The following GRM7 variants were observed in gnomAD, a reference collection of about 807,000 sequenced individuals.
The protein encoded by GRM7 is glutamate metabotropic receptor 7.
In GRM7, 35 loss-of-function variants were observed where a neutral mutation model predicts 84.5. The ratio of observed to expected loss-of-function variants is 0.41; its 90% confidence interval spans 0.32 to 0.55. The LOEUF is 0.55. Among genes scored for constraint, GRM7 ranks in the 20% least tolerant of loss-of-function variants. The pLI is 0.19. For synonymous variants in GRM7, 487 were observed against 455.1 expected, an observed-to-expected ratio of 1.07 and a Z score of -0.89; for missense variants, 1,003 against 1,194.6, an observed-to-expected ratio of 0.84 and a Z score of 2.36.
rs183543403 is a variant in GRM7, at chr3:7,710,839, T to A, written c.2699-29518T>A. On this transcript the variant is annotated intron_variant, in intron 9 of 9. Transcript: ENST00000357716. Reference sequence around the variant, plus strand: ...CTTCACCCCATCATGTGAAATAGCATTTATCCCTGCAAATGTACCACTGTC... The same window carrying A: ...CTTCACCCCATCATGTGAAATAGCAATTATCCCTGCAAATGTACCACTGTC... Among the ~76,000 whole-genome samples, 55 of 152,306 alleles carry A rather than the reference T, an allele frequency of 3.6e-4. No homozygotes were observed. The East Asian group carries it at 9.5e-3, about 26-fold the overall frequency.
At chr3:7,215,064 C>A (rs565517160) in intron 2 of GRM7, among the ~76,000 whole-genome samples, 1 of 152,252 alleles carries the variant, frequency 6.6e-6, no homozygotes, top group South Asian at 2.1e-4. Context: ...CTCTACAACA[C>A]TGGGTGAATG....
At chr3:7,727,865 C>A (rs1291630663) in intron 9 of GRM7, among the ~76,000 whole-genome samples, 5 of 152,226 alleles carry the variant, frequency 3.3e-5, no homozygotes, top group African/African-American at 1.2e-4. Context: ...CCAACATACA[C>A]AGTCCTTGGG....
intron 8 of GRM7, among the ~76,000 whole-genome samples, chr3:7,652,346 G>T (rs1335079902): frequency 6.6e-6 from 1 of 152,180 alleles, no homozygotes; most frequent in African/African-American, 2.4e-5. Context: ...AAGGGATAGG[G>T]AAAGTTCTCA....
chr3:7,162,728 CATTTTTTTTTT>C (rs1694665289), intron 2 of GRM7, among the ~76,000 whole-genome samples: 1 of 57,100 alleles, frequency 1.8e-5, no homozygotes, highest in African/African-American at 5.2e-5. Context: ...TCCCATTTTT[CATTTTTTTTTT>C]TTTTTTTTTT....
At chr3:7,063,045 T>G (rs929304191) in intron 1 of GRM7, among the ~76,000 whole-genome samples, 1 of 151,662 alleles carries the variant, frequency 6.6e-6, no homozygotes, top group Non-Finnish European at 1.5e-5. Context: ...TGAGCAGCAT[T>G]TATTTCCTGT....
intron 1 of GRM7, among the ~76,000 whole-genome samples, chr3:7,030,562 C>T (rs1696151483): frequency 6.6e-6 from 1 of 152,152 alleles, no homozygotes; most frequent in East Asian, 1.9e-4. Context: ...TATGTATAGG[C>T]TGGCCTTCTG....
intron 1 of GRM7, among the ~76,000 whole-genome samples, chr3:6,910,398 A>T (rs898349029): frequency 1.3e-5 from 2 of 152,154 alleles, no homozygotes; most frequent in African/African-American, 2.4e-5. Context: ...GTCAATCAGG[A>T]ACCCATGTCT....
intron 1 of GRM7, among the ~76,000 whole-genome samples, chr3:7,126,440 C>G (rs565989120): frequency 1.3e-5 from 2 of 152,198 alleles, no homozygotes; most frequent in African/African-American, 4.8e-5. Flanking sequence ...TTCAATAAAC[C>G]CTAGTCACAT....
intron 1 of GRM7, among the ~76,000 whole-genome samples, chr3:7,065,278 A>C (rs1697614679): frequency 6.6e-6 from 1 of 151,636 alleles, no homozygotes; most frequent in South Asian, 2.1e-4. Flanking sequence ...CCAATGTCTA[A>C]AATGGTTTTT....
chr3:6,865,919 C>A (rs1414065675), intron 1 of GRM7, among the ~76,000 whole-genome samples: 1 of 152,094 alleles, frequency 6.6e-6, no homozygotes, highest in Non-Finnish European at 1.5e-5. Context: ...GTCTCTATAA[C>A]AATCTCTGCC....
chr3:7,715,914 C>T (rs1018382874), intron 9 of GRM7, among the ~76,000 whole-genome samples: 3 of 152,102 alleles, frequency 2.0e-5, no homozygotes, highest in African/African-American at 7.2e-5. Context: ...TGCTCATTTC[C>T]ACCTCCTCCT....
At chr3:6,938,199 T>C (rs1697756187) in intron 1 of GRM7, among the ~76,000 whole-genome samples, 1 of 152,204 alleles carries the variant, frequency 6.6e-6, no homozygotes, top group African/African-American at 2.4e-5. Flanking sequence ...TCATTCACCA[T>C]TTTGAACTGA....
intron 2 of GRM7, among the ~76,000 whole-genome samples, chr3:7,179,982 C>T (rs1020787465): frequency 5.9e-5 from 9 of 152,112 alleles, no homozygotes; most frequent in Admixed American, 1.3e-4. Context: ...GAGTTAGAAA[C>T]GCTTTAAACT....
chr3:7,709,735 C>T (rs1246604276), intron 9 of GRM7, among the ~76,000 whole-genome samples: 3 of 151,990 alleles, frequency 2.0e-5, no homozygotes, highest in African/African-American at 7.3e-5. Context: ...CAGCCCAAAA[C>T]TCCTTGCATT....
At chr3:7,049,583 G>A (rs187002991) in intron 1 of GRM7, among the ~76,000 whole-genome samples, 1 of 151,872 alleles carries the variant, frequency 6.6e-6, no homozygotes, top group Non-Finnish European at 1.5e-5. Flanking sequence ...ATATAACAAG[G>A]GAGGCAGCTA....
At chr3:7,148,457 C>T (rs1574961882) in intron 2 of GRM7, among the ~76,000 whole-genome samples, 1 of 152,120 alleles carries the variant, frequency 6.6e-6, no homozygotes, top group Non-Finnish European at 1.5e-5. Flanking sequence ...GAACACTGCC[C>T]ATTCTGTTAC....
chr3:7,291,489 GCTCTCTCTCTCTCT>G (rs71063301), intron 2 of GRM7, among the ~76,000 whole-genome samples: 2,500 of 109,354 alleles, frequency 0.023, 57 homozygotes, highest in East Asian at 0.048. Flanking sequence ...AGTCATGCCA[GCTCTCTCTCTCTCT>G]CTCTCTCTCT....
chr3:6,886,614 AT>A (rs559583949), intron 1 of GRM7, among the ~76,000 whole-genome samples: 10 of 151,592 alleles, frequency 6.6e-5, no homozygotes, highest in Non-Finnish European at 1.2e-4. Flanking sequence ...ATTCCTCATG[AT>A]TTTTTTTCTG....
At chr3:7,262,944 C>T (rs1046115664) in intron 2 of GRM7, among the ~76,000 whole-genome samples, 14 of 226 alleles carry the variant, frequency 0.062, no homozygotes, top group African/African-American at 0.21. Flanking sequence ...GTGATCCACC[C>T]ACCATGCCTC....
Sources: allele counts gnomAD v4.1 joint callset (sites outside exome capture counted in the v4.1 genomes callset), GRCh38; gene constraint gnomAD v4.1.1; transcripts MANE v1.5; gene names NCBI Gene and HGNC (gene_info 2026-07-23, HGNC 2026-07-21).